Variants in RALYL observed in about 807,000 individuals in gnomAD.
RALYL encodes RNA-binding Raly-like protein.
RALYL carries 29 observed loss-of-function variants against 35.1 expected under a neutral mutation model. That is an observed-to-expected ratio of 0.83 (90% CI 0.61 to 1.13). RALYL has a LOEUF of 1.13. RALYL is among the 50% of genes most tolerant of loss of function. RALYL has a pLI of 0.00. For missense variants in RALYL, 359 were observed against 360.4 expected, an observed-to-expected ratio of 1.00 and a Z score of 0.03; for synonymous variants, 120 against 127.6, an observed-to-expected ratio of 0.94 and a Z score of 0.40.
At chr8:84,378,814 G>T (rs532790848) in intron 1 of RALYL, among the ~76,000 whole-genome samples, 62 of 151,634 alleles carry the variant, frequency 4.1e-4, no homozygotes, top group Non-Finnish European at 6.5e-4. Context: ...GTTATCATAT[G>T]TGTCACATGA....
intron 1 of RALYL, among the ~76,000 whole-genome samples, chr8:84,445,953 T>G (rs1409421340): frequency 1.3e-5 from 2 of 151,704 alleles, no homozygotes; most frequent in Non-Finnish European, 2.9e-5. Flanking sequence ...CTGATTATTG[T>G]TTAAAGATTT....
chr8:84,589,244 C>T (rs574098545), intron 2 of RALYL, among the ~76,000 whole-genome samples: 16 of 152,266 alleles, frequency 1.1e-4, no homozygotes, highest in South Asian at 1.0e-3. Flanking sequence ...AATCTCAATG[C>T]GATGTCTTCC....
chr8:84,712,948 T>G (rs1455245808), intron 2 of RALYL, among the ~76,000 whole-genome samples: 2 of 152,154 alleles, frequency 1.3e-5, no homozygotes, highest in African/African-American at 2.4e-5. Flanking sequence ...TTCTTTGCTG[T>G]GCAAAATCTT....
chr8:84,555,030 C>T (rs775646887), intron 2 of RALYL, among the ~76,000 whole-genome samples: 23 of 152,288 alleles, frequency 1.5e-4, no homozygotes, highest in Non-Finnish European at 2.8e-4. Flanking sequence ...CCTGTAATCC[C>T]AGCACTTTGG....
chr8:84,209,201 G>A lies in RALYL; in HGVS notation c.-24+24777G>A, dbSNP rs1319395231. Among the ~76,000 whole-genome samples the A allele has an allele frequency of 7.9e-5, 12 of 151,046 alleles. No homozygotes were observed. The Admixed American group carries it at 8.0e-4, about 10-fold the overall frequency. Reference sequence around the variant, plus strand: ...ATTACAAGAAGCCTATTTTTAGGAGGTATTGTCTTGCTGATATTCCCTGAT... The same window carrying A: ...ATTACAAGAAGCCTATTTTTAGGAGATATTGTCTTGCTGATATTCCCTGAT... On this transcript the variant is annotated intron_variant, in intron 1 of 8. Coordinates refer to ENST00000521268, the MANE Select transcript of RALYL (RefSeq NM_173848.7).
intron 1 of RALYL, among the ~76,000 whole-genome samples, chr8:84,450,734 C>T (rs2049377776): frequency 6.6e-6 from 1 of 151,826 alleles, no homozygotes; most frequent in Non-Finnish European, 1.5e-5. Flanking sequence ...TAACTTTAAA[C>T]TCCAGAAAAA....
intron 1 of RALYL, among the ~76,000 whole-genome samples, chr8:84,490,135 A>G (rs1280597688): frequency 6.9e-6 from 1 of 144,222 alleles, no homozygotes; most frequent in Non-Finnish European, 1.5e-5. Flanking sequence ...TGGGGAGGGA[A>G]TAATTTTCAT....
intron 1 of RALYL, among the ~76,000 whole-genome samples, chr8:84,449,511 T>G (rs2133153239): frequency 6.6e-6 from 1 of 152,160 alleles, no homozygotes; most frequent in South Asian, 2.1e-4. Flanking sequence ...GATTTTCTCC[T>G]TTTAACTGTT....
intron 2 of RALYL, among the ~76,000 whole-genome samples, chr8:84,536,174 G>A (rs2059593255): frequency 6.6e-6 from 1 of 152,230 alleles, no homozygotes; most frequent in South Asian, 2.1e-4. Context: ...ACTTTTAGAG[G>A]TGTGATTTTT....
intron 1 of RALYL, among the ~76,000 whole-genome samples, chr8:84,503,856 T>C (rs2056930515): frequency 7.2e-6 from 1 of 137,984 alleles, no homozygotes; most frequent in South Asian, 2.4e-4. Context: ...AGAGCAAGAC[T>C]CTGTCTCAAA....
chr8:84,296,677 C>T (rs1839818739), intron 1 of RALYL, among the ~76,000 whole-genome samples: 1 of 119,052 alleles, frequency 8.4e-6, no homozygotes, highest in Non-Finnish European at 1.6e-5. Flanking sequence ...TCTCAAGGAA[C>T]ATGTAGGAAA....
chr8:84,844,974 G>C (rs182043110), intron 4 of RALYL, among the ~76,000 whole-genome samples: 188 of 152,066 alleles, frequency 1.2e-3, no homozygotes, highest in African/African-American at 4.4e-3. Flanking sequence ...GTTGTGGGGT[G>C]GGGGAAGGGG....
intron 4 of RALYL, among the ~76,000 whole-genome samples, chr8:84,828,215 T>C (rs1269845764): frequency 1.3e-5 from 2 of 152,168 alleles, no homozygotes; most frequent in African/African-American, 2.4e-5. Flanking sequence ...ATTAAATGTA[T>C]ATATTTTTAA....
At chr8:84,395,102 A>G (rs941523593) in intron 1 of RALYL, among the ~76,000 whole-genome samples, 1 of 151,896 alleles carries the variant, frequency 6.6e-6, no homozygotes, top group Non-Finnish European at 1.5e-5. Context: ...TTGCTGACCC[A>G]TTTAATGCAT....
intron 1 of RALYL, among the ~76,000 whole-genome samples, chr8:84,331,415 G>A (rs886298049): frequency 6.6e-6 from 1 of 152,084 alleles, no homozygotes; most frequent in African/African-American, 2.4e-5. Context: ...TAATCCTCAT[G>A]TCTTTGGGAT....
chr8:84,892,087 C>T (rs190932733), intron 8 of RALYL, among the ~76,000 whole-genome samples: 3 of 152,044 alleles, frequency 2.0e-5, no homozygotes, highest in Non-Finnish European at 4.4e-5. Context: ...TGGTGAGAAG[C>T]CAAAGATATG....
intron 2 of RALYL, among the ~76,000 whole-genome samples, chr8:84,588,000 T>C (rs1252206): frequency 0.98 from 148,951 of 152,252 alleles, 72,873 homozygotes; most frequent in East Asian, 1. Context: ...TTTCATATTT[T>C]CTACCCACAC....
chr8:84,711,042 T>C (rs2132469636), intron 2 of RALYL, among the ~76,000 whole-genome samples: 1 of 152,206 alleles, frequency 6.6e-6, no homozygotes, highest in Non-Finnish European at 1.5e-5. Flanking sequence ...TAAGGGGACA[T>C]TTGATCAGAC....
At chr8:84,807,455 C>T (rs916780209) in intron 4 of RALYL, among the ~76,000 whole-genome samples, 4 of 152,148 alleles carry the variant, frequency 2.6e-5, no homozygotes, top group Admixed American at 6.5e-5. Flanking sequence ...TTTGCAATTG[C>T]GAATTCTGCT....
Sources: gnomAD v4.1 joint callset for allele counts (sites outside exome capture counted in the v4.1 genomes callset) on GRCh38, gnomAD v4.1.1 for gene constraint, MANE v1.5 for transcripts, NCBI Gene and HGNC (gene_info 2026-07-23, HGNC 2026-07-21) for gene names.